Variants in SUGCT observed in about 807,000 individuals in gnomAD.
SUGCT encodes the protein succinyl-CoA:glutarate-CoA transferase.
A neutral mutation model predicts 55.0 loss-of-function variants in SUGCT; 41 were observed. That is an observed-to-expected ratio of 0.74 (90% CI 0.58 to 0.97). SUGCT has a LOEUF of 0.97. Ranked by LOEUF, SUGCT falls within the 50% of genes least tolerant of loss-of-function variation. SUGCT has a pLI of 0.00. For synonymous variants in SUGCT, 187 were observed against 200.4 expected (o/e 0.93, Z 0.56); for missense variants, 568 against 547.8 (o/e 1.04, Z -0.37).
the SUGCT span, among the ~76,000 whole-genome samples, chr7:40,927,906 G>A: frequency 4.9e-4 from 75 of 152,200 alleles, no homozygotes; most frequent in Admixed American, 1.2e-3. Flanking sequence ...ATACATGAGA[G>A]TTTAGGTATA....
At chr7:40,869,919 G>A in the SUGCT span, among the ~76,000 whole-genome samples, 1,242 of 152,224 alleles carry the variant, frequency 8.2e-3, 16 homozygotes, top group African/African-American at 0.028. Flanking sequence ...GCAGTATATC[G>A]TAACAGGATG....
intron 12 of SUGCT, among the ~76,000 whole-genome samples, chr7:40,725,370 GA>G (rs1202630295): frequency 1.3e-5 from 2 of 152,138 alleles, no homozygotes; most frequent in Non-Finnish European, 2.9e-5. Flanking sequence ...TGCATTATCT[GA>G]AACTATCTTC....
chr7:40,877,593 G>C, the SUGCT span, among the ~76,000 whole-genome samples: 2 of 152,170 alleles, frequency 1.3e-5, no homozygotes, highest in East Asian at 3.8e-4. Context: ...AAACCAAAAT[G>C]ATGGGAACTT....
chr7:40,175,444 TCCTGACCTTAAGTGATCCGC>T (rs1784881026), intron 1 of SUGCT, among the ~76,000 whole-genome samples: 1 of 152,178 alleles, frequency 6.6e-6, no homozygotes, highest in Admixed American at 6.5e-5. Flanking sequence ...GGTCTCTGAC[TCCTGACCTTAAGTGATCCGC>T]CTGCCTCCTC....
At chr7:40,626,075 A>G (rs1434156171) in intron 12 of SUGCT, among the ~76,000 whole-genome samples, 1 of 152,170 alleles carries the variant, frequency 6.6e-6, no homozygotes, top group Non-Finnish European at 1.5e-5. Context: ...AGGCCCTGCA[A>G]GGACCCTCCT....
At chr7:40,789,227 A>G (rs910626233) in intron 13 of SUGCT, among the ~76,000 whole-genome samples, 33 of 152,340 alleles carry the variant, frequency 2.2e-4, no homozygotes, top group Non-Finnish European at 2.4e-4. Context: ...TTCATCTTGC[A>G]TAATTGAAAC....
chr7:40,199,045 G>GTC (rs1554287674), intron 6 of SUGCT, among the ~76,000 whole-genome samples: 1 of 147,292 alleles, frequency 6.8e-6, no homozygotes, highest in Admixed American at 6.8e-5. Flanking sequence ...GTGTGTGTGT[G>GTC]TTTTTTTTTT....
chr7:40,995,382 G>GTTATTATTA, the SUGCT span, among the ~76,000 whole-genome samples: 49,739 of 145,302 alleles, frequency 0.34, 8,745 homozygotes, highest in African/African-American at 0.38. Context: ...TATAATAGCT[G>GTTATTATTA]TTATTATTAT....
chr7:40,390,788 G>A (rs375864572), intron 9 of SUGCT, among the ~76,000 whole-genome samples: 7 of 151,988 alleles, frequency 4.6e-5, no homozygotes, highest in Non-Finnish European at 8.8e-5. Context: ...AACTACTTTA[G>A]AGTTCATATG....
At chr7:40,277,516 T>C (rs1476118197) in intron 8 of SUGCT, among the ~76,000 whole-genome samples, 1 of 152,128 alleles carries the variant, frequency 6.6e-6, no homozygotes, top group African/African-American at 2.4e-5. Context: ...GCAAGAGTTC[T>C]GTTTCTTTAT....
At chr7:40,898,567 C>CA in the SUGCT span, among the ~76,000 whole-genome samples, 1 of 131,566 alleles carries the variant, frequency 7.6e-6, no homozygotes, top group East Asian at 2.4e-4. Flanking sequence ...ACTAAAAATA[C>CA]AAAAAATTAT....
intron 12 of SUGCT, among the ~76,000 whole-genome samples, chr7:40,721,309 C>G (rs1466355741): frequency 1.3e-5 from 2 of 152,158 alleles, no homozygotes; most frequent in African/African-American, 4.8e-5. Flanking sequence ...ATGCCTCATT[C>G]AAGTGACAGT....
At chr7:40,572,078 C>A (rs75225869) in intron 12 of SUGCT, among the ~76,000 whole-genome samples, 2,233 of 152,206 alleles carry the variant, frequency 0.015, 26 homozygotes, top group African/African-American at 0.028. Flanking sequence ...AATGTGGCAT[C>A]TTGTTTCCTA....
chr7:40,192,808 T>C (rs542058521), intron 5 of SUGCT, among the ~76,000 whole-genome samples: 76 of 151,686 alleles, frequency 5.0e-4, no homozygotes, highest in Non-Finnish European at 9.6e-4. Flanking sequence ...ATTTTTGTAA[T>C]TTTTAGTAGA....
the SUGCT span, among the ~76,000 whole-genome samples, chr7:40,869,912 G>C: frequency 6.6e-6 from 1 of 152,190 alleles, no homozygotes; most frequent in Non-Finnish European, 1.5e-5. Flanking sequence ...GATCTTTGCA[G>C]TATATCGTAA....
chr7:41,028,646 A>G, the SUGCT span, among the ~76,000 whole-genome samples: 1 of 152,236 alleles, frequency 6.6e-6, no homozygotes, highest in East Asian at 1.9e-4. Context: ...ATTTTTGTAT[A>G]TAAACATAGA....
intron 12 of SUGCT, among the ~76,000 whole-genome samples, chr7:40,748,620 T>C (rs924917492): frequency 5.3e-5 from 8 of 151,710 alleles, no homozygotes; most frequent in Non-Finnish European, 1.2e-4. Flanking sequence ...AATATACTTA[T>C]TGTTGTCTTT....
chr7:40,528,786 G>A (rs180932008), intron 12 of SUGCT, among the ~76,000 whole-genome samples: 27 of 152,244 alleles, frequency 1.8e-4, no homozygotes, highest in East Asian at 1.5e-3. Context: ...CCCCCAACTC[G>A]TTAAATCAAT....
Position 40,237,935 on chromosome 7 carries a change from A to T in SUGCT, c.576+209A>T, listed in dbSNP as rs187315863. 6.0e-4 allele frequency among the ~76,000 whole-genome samples: 91 copies of T among 152,366 alleles called. 1 individual carries two copies. The highest frequency in any genetic ancestry group is 5.7e-3 in the Admixed American group (87 of 15,302). ...AACAGGAAGTGTTCATTACAAATGT[A>T]TTGAGTCTAAACATCAATTTGGCCA... is the stretch of plus-strand genomic sequence containing the variant. On this transcript the variant is annotated intron_variant, in intron 7 of 13. Transcript: ENST00000335693.
Sources: allele counts gnomAD v4.1 joint callset (sites outside exome capture counted in the v4.1 genomes callset), GRCh38; gene constraint gnomAD v4.1.1; transcripts MANE v1.5; gene names NCBI Gene and HGNC (gene_info 2026-07-23, HGNC 2026-07-21).